Variants in CD3D observed in about 807,000 individuals in gnomAD.
CD3D encodes the protein T-cell surface glycoprotein CD3 delta chain.
Under a neutral mutation model 22.0 loss-of-function variants are expected in CD3D, and 22 were observed. The observed-to-expected ratio is 1.00, with a 90% CI of 0.71 to 1.43. The LOEUF is 1.43. Ranked by LOEUF, CD3D falls within the 40% of genes most tolerant of loss-of-function variation. The probability of loss-of-function intolerance (pLI) is 0.00; values close to 1 mark genes in which losing one functional copy is unlikely to be tolerated. For synonymous variants in CD3D, 74 were observed against 81.2 expected (o/e 0.91, Z 0.48); for missense variants, 205 against 211.7 (o/e 0.97, Z 0.20).
At chr11:118,342,128 T>C (rs1948304595) in intron 1 of CD3D, among the ~76,000 whole-genome samples, 1 of 151,722 alleles carries the variant, frequency 6.6e-6, no homozygotes, top group Admixed American at 6.6e-5. Context: ...CCTGCCCTCC[T>C]GACACCCCTG....
chr11:118,342,234 G>T (rs143606250), intron 1 of CD3D, among the ~76,000 whole-genome samples: 3 of 151,448 alleles, frequency 2.0e-5, no homozygotes, highest in Admixed American at 6.6e-5. Flanking sequence ...GCAGTGGCAT[G>T]ATCACAGCTC....
rs758839719 is a variant in CD3D, at chr11:118,340,377, C to G, written c.272G>C (p.Arg91Pro). The G allele has an allele frequency of 3.7e-6, 6 of 1,612,394 alleles. No homozygotes were observed. The highest frequency in any genetic ancestry group is 4.2e-6 in the Non-Finnish European group (5 of 1,178,448). The change falls in exon 2 of 5, where the codon CGA becomes CCA. Residue 91 changes from arginine to proline, a missense_variant and splice_region_variant. Arg to Pro is a moderately radical substitution (Grantham distance 103). Coordinates refer to ENST00000300692, the MANE Select transcript of CD3D (RefSeq NM_000732.6). ...CAAAGGGTTCAGGAAGCACGTACTTCGATAATGAACTTGCACGGTAGATTC... is the reference window on the plus strand; with the variant it reads ...CAAAGGGTTCAGGAAGCACGTACTTGGATAATGAACTTGCACGGTAGATTC... ...DKESTVQVHY[R>P]MCQSCVELDP...
chr11:118,339,696 A>G (rs1037511687), intron 3 of CD3D, 79 bp downstream of exon 3: 1 of 1,588,160 alleles, frequency 6.3e-7, no homozygotes, highest in African/African-American at 1.4e-5. Flanking sequence ...TAGCTGGTGC[A>G]TAAGCTCACT....
downstream of CD3D, chr11:118,339,072 TG>T: frequency 8.3e-7 from 1 of 1,199,558 alleles, no homozygotes. Flanking sequence ...CCCAGGCACC[TG>T]CTGAGTGAAA....
intron 1 of CD3D, 45 bp from the exon 2 acceptor site, chr11:118,340,638 G>A (rs757787812): frequency 1.7e-5 from 23 of 1,357,616 alleles, no homozygotes; most frequent in East Asian, 1.2e-4. Context: ...TCTTTGATCT[G>A]CACCAAGCCC....
chr11:118,340,828 G>A, intron 1 of CD3D: 1 of 662,978 alleles, frequency 1.5e-6, no homozygotes, highest in East Asian at 3.0e-5. Flanking sequence ...TTGGGGCCTT[G>A]GTGCAAAAGA....
At chr11:118,341,816 C>A (rs1013483930) in intron 1 of CD3D, among the ~76,000 whole-genome samples, 1 of 152,220 alleles carries the variant, frequency 6.6e-6, no homozygotes, top group African/African-American at 2.4e-5. Flanking sequence ...CCGTCCTGCT[C>A]AACCTAAAGT....
chr11:118,340,340 T>C (rs377380944), intron 2 of CD3D, 35 bp downstream of exon 2: 2 of 1,524,246 alleles, frequency 1.3e-6, no homozygotes, highest in African/African-American at 2.7e-5. Flanking sequence ...AGAAGCCCTA[T>C]CCATTCCAAC....
chr11:118,339,116 AGGTACAGTTGGTAAT>A lies in CD3D; in HGVS notation c.*31_*45del. 1 of 1,479,254 alleles carries A rather than the reference AGGTACAGTTGGTAAT, an allele frequency of 6.8e-7. No individual in the cohort carries two copies. The highest frequency in any genetic ancestry group is 9.5e-7 in the Non-Finnish European group (1 of 1,056,722). The allele number at this position is 1,479,254 out of a possible 1,614,324, so 91.6% of individuals were successfully genotyped here. A position where few individuals can be genotyped will look rare whatever the true frequency, so the allele number is the denominator to read the frequency against. On this transcript the variant is annotated 3_prime_UTR_variant, in exon 5 of 5. Transcript: ENST00000300692. ...TATTTATTGGCTGAGCAAGAAGGGA[AGGTACAGTTGGTAAT>A]GGCTGCTTCTAGAAGCCACCAGTCT... is the stretch of plus-strand genomic sequence containing the variant.
Position 118,339,465 on chromosome 11 carries a change from C to A in CD3D, c.436G>T (p.Asp146Tyr). ...AADTQALLRN[D>Y]QVYQPLRDRD... is the part of the protein sequence containing the mutation. The stretch of plus-strand genomic sequence containing the variant: ...TCAACGCTCACCTGATAGACCTGGT[C>A]ATTCCTCAACAGAGCTTGTGTGTCG... The change falls in exon 4 of 5, where the codon GAC becomes TAC. Residue 146 changes from aspartate (D) to tyrosine (Y), a missense_variant. Transcript: ENST00000300692. 6.2e-7 allele frequency: 1 copy of A among 1,614,066 alleles called. No homozygotes were observed. The highest frequency in any genetic ancestry group is 1.1e-5 in the South Asian group (1 of 91,050).
intron 1 of CD3D, 55 bp from the exon 2 acceptor site, chr11:118,340,648 C>A: frequency 7.8e-7 from 1 of 1,276,004 alleles, no homozygotes; most frequent in East Asian, 2.4e-5. Context: ...GCACCAAGCC[C>A]TTTGTTCTGC....
chr11:118,340,049 C>T, intron 2 of CD3D, 143 bp from the exon 3 acceptor site: 2 of 930,388 alleles, frequency 2.1e-6, no homozygotes, highest in South Asian at 1.4e-5. Flanking sequence ...TGGTGATGGG[C>T]TTGCCACACC....
Position 118,342,697 on chromosome 11 carries a change from A to G in CD3D, c.-90T>C. The G allele has an allele frequency of 9.2e-7, 1 of 1,091,914 alleles. No individual in the cohort carries two copies. The highest frequency in any genetic ancestry group is 1.4e-6 in the Non-Finnish European group (1 of 708,480). 67.6% of individuals were successfully genotyped at this position (1,091,914 alleles called of 1,614,324 possible). ...GCCCTCCCCTAGCTGACTCACAGGTACCGGAAAGAGGAGAGTGGGGGAGGA... is the reference window on the plus strand; with the variant it reads ...GCCCTCCCCTAGCTGACTCACAGGTGCCGGAAAGAGGAGAGTGGGGGAGGA... On this transcript the variant is annotated 5_prime_UTR_variant, in exon 1 of 5. Transcript: ENST00000300692.
At chr11:118,341,438 G>A (rs547884014) in intron 1 of CD3D, among the ~76,000 whole-genome samples, 2 of 152,284 alleles carry the variant, frequency 1.3e-5, no homozygotes, top group Non-Finnish European at 2.9e-5. Flanking sequence ...AGGGAAAAGT[G>A]GAGGCTACAT....
At position 118,342,589 on chromosome 11, in the gene CD3D, G is replaced by GA. The variant is rs1311932817; in HGVS notation, c.18dup (p.Leu7SerfsTer24). ...AGGGTAGCCAGTACCAGGCCAGAGAGAAACGTGCTATGTTCCATCTCCCAG... is the reference window on the plus strand; with the variant it reads ...AGGGTAGCCAGTACCAGGCCAGAGAGAAAACGTGCTATGTTCCATCTCCCAG... On this transcript the variant is annotated frameshift_variant, in exon 1 of 5. Coordinates refer to ENST00000300692, the MANE Select transcript of CD3D (RefSeq NM_000732.6). LOFTEE classifies it high-confidence loss of function. 6.2e-6 allele frequency: 10 copies of GA among 1,613,810 alleles called. No homozygotes were observed. Among genetic ancestry groups the GA allele is most frequent in the Non-Finnish European group, 8.5e-6 (10 of 1,179,780 alleles).
chr11:118,339,018 C>A (rs1449751360), downstream of CD3D: 17 of 781,802 alleles, frequency 2.2e-5, no homozygotes, highest in Non-Finnish European at 3.7e-5. Context: ...AGATCCCAAG[C>A]AAGTCAGGAC....
At chr11:118,339,942 G>A (rs1280913742) in intron 2 of CD3D, 36 bp from the exon 3 acceptor site, 1 of 1,613,710 alleles carries the variant, frequency 6.2e-7, no homozygotes, top group African/African-American at 1.3e-5. Flanking sequence ...GAGGTTGAGA[G>A]CCTTTAAGAT....
chr11:118,341,655 C>T (rs1948301090), intron 1 of CD3D, among the ~76,000 whole-genome samples: 1 of 152,158 alleles, frequency 6.6e-6, no homozygotes, highest in Admixed American at 6.5e-5. Context: ...CCTGAGTGCC[C>T]TAGTGCAGCC....
intron 3 of CD3D, 126 bp downstream of exon 3, chr11:118,339,649 C>G (rs913660730): frequency 6.4e-7 from 1 of 1,564,884 alleles, no homozygotes; most frequent in East Asian, 2.3e-5. Context: ...AAGAGTAACT[C>G]CCAGCTGAGA....
Sources: gnomAD v4.1 joint callset for allele counts (sites outside exome capture counted in the v4.1 genomes callset) on GRCh38, gnomAD v4.1.1 for gene constraint, MANE v1.5 for transcripts, NCBI Gene and HGNC (gene_info 2026-07-23, HGNC 2026-07-21) for gene names.